TENM4: variants seen among roughly 807,000 people sequenced by gnomAD.
The protein encoded by TENM4 is teneurin-4.
A neutral mutation model predicts 243.3 loss-of-function variants in TENM4; 82 were observed. That is an observed-to-expected ratio of 0.34 (90% CI 0.28 to 0.40). The LOEUF is 0.40. Ranked by LOEUF, TENM4 falls within the 10% of genes least tolerant of loss-of-function variation. The pLI is 1.00. For synonymous variants in TENM4, 1,412 were observed against 1,456.3 expected, an observed-to-expected ratio of 0.97 and a Z score of 0.69; for missense variants, 3,138 against 3,673.3, an observed-to-expected ratio of 0.85 and a Z score of 3.77.
At chr11:78,974,596 T>C (rs569778232) in intron 6 of TENM4, among the ~76,000 whole-genome samples, 14 of 152,168 alleles carry the variant, frequency 9.2e-5, no homozygotes, top group Non-Finnish European at 1.9e-4. Context: ...AGTAAATGCA[T>C]AAAAGCATGC....
At chr11:79,211,383 T>TA (rs1190672089) in intron 3 of TENM4, among the ~76,000 whole-genome samples, 1 of 152,184 alleles carries the variant, frequency 6.6e-6, no homozygotes, top group Non-Finnish European at 1.5e-5. Flanking sequence ...CTCGGGAGTA[T>TA]CTCACCTTTT....
chr11:78,787,148 C>A, intron 15 of TENM4, 65 bp from the exon 16 acceptor site: 1 of 1,470,424 alleles, frequency 6.8e-7, no homozygotes, highest in Non-Finnish European at 9.1e-7. Flanking sequence ...GCCAGAGGGG[C>A]AGGGGAGAGA....
At chr11:79,439,987 C>T (rs1336400487) in intron 1 of TENM4, among the ~76,000 whole-genome samples, 4 of 152,016 alleles carry the variant, frequency 2.6e-5, no homozygotes, top group African/African-American at 9.7e-5. Context: ...GTCGCATCTC[C>T]AGGATCTGAG....
intron 6 of TENM4, among the ~76,000 whole-genome samples, chr11:78,964,088 G>T (rs1215365741): frequency 6.8e-6 from 1 of 145,998 alleles, no homozygotes; most frequent in Non-Finnish European, 1.5e-5. Context: ...CTGTCGCCAG[G>T]CTGGAGTGCA....
intron 1 of TENM4, among the ~76,000 whole-genome samples, chr11:79,420,393 A>AAGAC (rs1259634515): frequency 2.0e-5 from 3 of 152,170 alleles, no homozygotes; most frequent in Admixed American, 2.0e-4. Context: ...CCATATCACT[A>AAGAC]AGACAGGAAC....
intron 26 of TENM4, among the ~76,000 whole-genome samples, chr11:78,708,975 T>C (rs11237592): frequency 1.4e-5 from 2 of 144,644 alleles, no homozygotes; most frequent in South Asian, 2.1e-4. Flanking sequence ...CTTTCTTTTT[T>C]TTTTTTTTTA....
chr11:79,199,696 G>T (rs1205935884), intron 3 of TENM4, among the ~76,000 whole-genome samples: 2 of 152,180 alleles, frequency 1.3e-5, no homozygotes, highest in Admixed American at 6.5e-5. Flanking sequence ...TGTAGTCTAA[G>T]AATCCACAAT....
chr11:79,166,748 T>C (rs933132700), intron 3 of TENM4, among the ~76,000 whole-genome samples: 5 of 152,130 alleles, frequency 3.3e-5, no homozygotes, highest in African/African-American at 1.2e-4. Context: ...GGTGAAGAGG[T>C]CAGTTACAGC....
At chr11:79,213,693 G>A (rs1329250498) in intron 3 of TENM4, among the ~76,000 whole-genome samples, 1 of 152,244 alleles carries the variant, frequency 6.6e-6, no homozygotes, top group Non-Finnish European at 1.5e-5. Context: ...TGAGAGAGGG[G>A]TTGAAGAGGA....
chr11:79,342,935 C>T (rs974929130), intron 1 of TENM4, among the ~76,000 whole-genome samples: 13 of 152,230 alleles, frequency 8.5e-5, no homozygotes, highest in African/African-American at 2.9e-4. Flanking sequence ...AACTGGGCCT[C>T]TGGGGGGTGT....
intron 2 of TENM4, among the ~76,000 whole-genome samples, chr11:79,216,640 G>T (rs1428937303): frequency 6.6e-6 from 1 of 152,172 alleles, no homozygotes; most frequent in African/African-American, 2.4e-5. Context: ...ATCATGGGTT[G>T]TTATAAAGCA....
chr11:79,382,400 T>G (rs1202841752), intron 1 of TENM4, among the ~76,000 whole-genome samples: 2 of 152,332 alleles, frequency 1.3e-5, no homozygotes, highest in Admixed American at 1.3e-4. Flanking sequence ...TTCGGTGGAA[T>G]GAAAGCCTCC....
rs934805325 is a variant in TENM4, at chr11:79,269,147, T to C, written c.-265+28341A>G. ...TCCCACCTACTTTATATAACATAACTACTGTAAAAAATGAGAATCACCTGT... is the reference window on the plus strand; with the variant it reads ...TCCCACCTACTTTATATAACATAACCACTGTAAAAAATGAGAATCACCTGT... On this transcript the variant is annotated intron_variant, in intron 2 of 33. Transcript: ENST00000278550. Among the ~76,000 whole-genome samples, 12 of 152,218 alleles carry C rather than the reference T, an allele frequency of 7.9e-5. No homozygotes were observed. In the South Asian group the frequency reaches 8.3e-4, roughly 10 times the overall value.
chr11:78,702,546 T>G, intron 27 of TENM4, 143 bp from the exon 28 acceptor site: 1 of 1,015,060 alleles, frequency 9.9e-7, no homozygotes, highest in Non-Finnish European at 1.4e-6. Flanking sequence ...TCATCAACAA[T>G]GAAGCGTCAG....
intron 1 of TENM4, among the ~76,000 whole-genome samples, chr11:79,308,839 G>A (rs560552631): frequency 6.6e-6 from 1 of 152,242 alleles, no homozygotes; most frequent in Admixed American, 6.5e-5. Flanking sequence ...CCGTAAAATG[G>A]GAATAACCAC....
At position 78,668,073 on chromosome 11, in the gene TENM4, A is replaced by C. The variant is rs1273925233; in HGVS notation, c.7408+864T>G. Among the ~76,000 whole-genome samples, 3 of 152,138 alleles carry C rather than the reference A, an allele frequency of 2.0e-5. No individual in the cohort carries two copies. The East Asian group carries it at 5.8e-4, about 29-fold the overall frequency. ...ACTTTTCAAGTTAGGGGGTAAAGGA[A>C]AGGGAACCAACACGAGCCAGGCACT... On this transcript the variant is annotated intron_variant, in intron 32 of 33. Coordinates refer to ENST00000278550, the MANE Select transcript of TENM4 (RefSeq NM_001098816.3).
intron 3 of TENM4, among the ~76,000 whole-genome samples, chr11:79,164,474 A>G (rs1169208676): frequency 3.1e-5 from 4 of 128,722 alleles, no homozygotes; most frequent in Admixed American, 8.0e-5. Flanking sequence ...TATAGTGTAT[A>G]TATATAGTGT....
At chr11:78,844,639 T>TAA (rs574368443) in intron 12 of TENM4, among the ~76,000 whole-genome samples, 3 of 137,778 alleles carry the variant, frequency 2.2e-5, no homozygotes, top group Non-Finnish European at 1.6e-5. Context: ...AGACTCTGTC[T>TAA]AAAAAAAAAA....
At chr11:78,717,561 C>T (rs1466705680) in intron 25 of TENM4, among the ~76,000 whole-genome samples, 1 of 152,170 alleles carries the variant, frequency 6.6e-6, no homozygotes, top group Non-Finnish European at 1.5e-5. Flanking sequence ...ATAGTCACAC[C>T]TATTTCAAAG....
Sources: allele counts gnomAD v4.1 joint callset (sites outside exome capture counted in the v4.1 genomes callset), GRCh38; gene constraint gnomAD v4.1.1; transcripts MANE v1.5; gene names NCBI Gene and HGNC (gene_info 2026-07-23, HGNC 2026-07-21).